SPATA6: variants seen among roughly 807,000 people sequenced by gnomAD.
The protein encoded by SPATA6 is spermatogenesis-associated protein 6.
In SPATA6, 56 loss-of-function variants were observed where a neutral mutation model predicts 65.3. The observed-to-expected ratio is 0.86, with a 90% CI of 0.69 to 1.07. The LOEUF (loss-of-function observed/expected upper bound fraction) is 1.07, where lower values mean the gene tolerates loss of function less well. SPATA6 is among the 50% of genes least tolerant of loss of function. The pLI, the probability that SPATA6 is intolerant of heterozygous loss-of-function variation, is 0.00. For synonymous variants in SPATA6, 199 were observed against 213.2 expected (o/e 0.93, Z 0.58); for missense variants, 590 against 594.8 (o/e 0.99, Z 0.08).
At chr1:48,441,504 T>G (rs1655473375) in intron 3 of SPATA6, among the ~76,000 whole-genome samples, 1 of 152,182 alleles carries the variant, frequency 6.6e-6, no homozygotes, top group Admixed American at 6.5e-5. Flanking sequence ...GGAGCTATTA[T>G]CTACATGAAT....
chr1:48,316,529 A>G (rs1645426471), intron 11 of SPATA6, among the ~76,000 whole-genome samples: 1 of 152,234 alleles, frequency 6.6e-6, no homozygotes, highest in Admixed American at 6.5e-5. Context: ...ACAAAAATTA[A>G]TTCAAGATGG....
rs1301588784 is a variant in SPATA6 at position 48,336,937 on chromosome 1, T to C, written c.1194+18733A>G. Among the ~76,000 whole-genome samples the C allele has an allele frequency of 6.6e-5, 10 of 152,010 alleles. No homozygotes were observed. In the East Asian group the frequency reaches 1.9e-3, roughly 29 times the overall value. On this transcript the variant is annotated intron_variant, in intron 11 of 12. Transcript: ENST00000371847. Reference sequence around the variant, plus strand: ...AATAACTGATATTAAAGAAATTATATCCATTACTGAAAACTATCCCACAAA... The same window carrying C: ...AATAACTGATATTAAAGAAATTATACCCATTACTGAAAACTATCCCACAAA...
chr1:48,408,021 C>T (rs1444440930), intron 5 of SPATA6, among the ~76,000 whole-genome samples: 1 of 152,170 alleles, frequency 6.6e-6, no homozygotes, highest in African/African-American at 2.4e-5. Context: ...TGAAGACTTT[C>T]ATAGTACAGA....
At chr1:48,368,867 C>A (rs569682708) in intron 9 of SPATA6, among the ~76,000 whole-genome samples, 1 of 152,286 alleles carries the variant, frequency 6.6e-6, no homozygotes, top group Non-Finnish European at 1.5e-5. Flanking sequence ...GAAGGAGAGG[C>A]GTGCTGTTTT....
At chr1:48,449,824 G>C (rs954934384) in intron 3 of SPATA6, among the ~76,000 whole-genome samples, 22 of 152,186 alleles carry the variant, frequency 1.4e-4, no homozygotes, top group Non-Finnish European at 1.0e-4. Context: ...TTATCTGTTA[G>C]AGGCCATACC....
chr1:48,352,903 CAAA>C (rs35929341), intron 11 of SPATA6, among the ~76,000 whole-genome samples: 1,671 of 133,334 alleles, frequency 0.013, 13 homozygotes, highest in Admixed American at 0.019. Context: ...CTTTTAAATA[CAAA>C]AAAAAAAAAA....
chr1:48,389,000 C>T (rs1302307541), intron 8 of SPATA6, among the ~76,000 whole-genome samples: 2 of 152,100 alleles, frequency 1.3e-5, no homozygotes, highest in Non-Finnish European at 2.9e-5. Context: ...GCTCTCCTTC[C>T]TCAGCCTCCC....
chr1:48,319,392 A>G (rs1645533590), intron 11 of SPATA6, among the ~76,000 whole-genome samples: 1 of 152,208 alleles, frequency 6.6e-6, no homozygotes, highest in Non-Finnish European at 1.5e-5. Context: ...AGAATATATA[A>G]AGAGCTCTCA....
intron 3 of SPATA6, among the ~76,000 whole-genome samples, chr1:48,435,108 G>A (rs566525206): frequency 2.1e-4 from 32 of 152,064 alleles, no homozygotes; most frequent in African/African-American, 7.5e-4. Context: ...AAATAGAATT[G>A]GAAAGTTCTA....
At chr1:48,366,644 C>G (rs1186226203) in intron 9 of SPATA6, among the ~76,000 whole-genome samples, 1 of 151,864 alleles carries the variant, frequency 6.6e-6, no homozygotes, top group Non-Finnish European at 1.5e-5. Context: ...TGGTGATATC[C>G]CCTTTATCAT....
At chr1:48,369,875 C>T (rs543145876) in intron 9 of SPATA6, among the ~76,000 whole-genome samples, 215 of 152,312 alleles carry the variant, frequency 1.4e-3, no homozygotes, top group South Asian at 4.6e-3. Flanking sequence ...GCGTCGCTCA[C>T]GCTGGGAGCT....
chr1:48,437,800 T>A (rs535131351), intron 3 of SPATA6, among the ~76,000 whole-genome samples: 10 of 151,760 alleles, frequency 6.6e-5, no homozygotes, highest in African/African-American at 2.4e-4. Flanking sequence ...TGCTTTTTTT[T>A]AAAAAAGGGG....
chr1:48,415,116 G>A lies in SPATA6; in HGVS notation c.239-1965C>T, dbSNP rs529023910. The stretch of plus-strand genomic sequence containing the variant: ...AGGTGCCATAGTAAACTATATGTGC[G>A]TTCAGGGAAGCAAAGGAAGACAAAT... On this transcript the variant is annotated intron_variant, in intron 3 of 12. Coordinates refer to ENST00000371847, the MANE Select transcript of SPATA6 (RefSeq NM_019073.4). 6.8e-4 allele frequency among the ~76,000 whole-genome samples: 104 copies of A among 152,274 alleles called. 1 individual carries two copies. The highest frequency in any genetic ancestry group is 8.5e-4 in the Non-Finnish European group (58 of 68,022).
At chr1:48,433,028 T>TA (rs1570559383) in intron 3 of SPATA6, among the ~76,000 whole-genome samples, 3 of 152,124 alleles carry the variant, frequency 2.0e-5, no homozygotes, top group African/African-American at 7.2e-5. Flanking sequence ...GCCAGTTTTT[T>TA]AAAAAACACA....
chr1:48,269,202 T>C, the SPATA6 span, among the ~76,000 whole-genome samples: 1 of 152,308 alleles, frequency 6.6e-6, no homozygotes. Flanking sequence ...TTTTTTTCTC[T>C]GATCAAATCC....
rs1570127789 is a variant in SPATA6, at chr1:48,325,323, C to A, written c.1195-19445G>T. The A allele has an allele frequency of 8.8e-6, 11 of 1,255,244 alleles. No homozygotes were observed. In the East Asian group the frequency reaches 1.9e-4, roughly 21 times the overall value. The allele number at this position is 1,255,244 out of a possible 1,614,324, so 77.8% of individuals were successfully genotyped here. On this transcript the variant is annotated intron_variant, in intron 11 of 12. Transcript: ENST00000371847. ...GGAGCCTGCTTCACTGTGTGTAGGGCACAGGCCCCCGTAGAGTCCTCCCCT... is the reference window on the plus strand; with the variant it reads ...GGAGCCTGCTTCACTGTGTGTAGGGAACAGGCCCCCGTAGAGTCCTCCCCT...
At chr1:48,368,462 A>C (rs1315744045) in intron 9 of SPATA6, among the ~76,000 whole-genome samples, 1 of 152,202 alleles carries the variant, frequency 6.6e-6, no homozygotes, top group African/African-American at 2.4e-5. Context: ...CTTTTCACAT[A>C]GTCCCACATT....
intron 6 of SPATA6, among the ~76,000 whole-genome samples, chr1:48,400,328 T>G (rs1197303788): frequency 6.6e-6 from 1 of 151,966 alleles, no homozygotes; most frequent in Non-Finnish European, 1.5e-5. Flanking sequence ...TAACATTTTA[T>G]CTAATAAAAC....
At chr1:48,348,933 C>T (rs72893222) in intron 11 of SPATA6, among the ~76,000 whole-genome samples, 5 of 151,912 alleles carry the variant, frequency 3.3e-5, no homozygotes, top group African/African-American at 9.6e-5. Context: ...TTATTTACTT[C>T]TTGGTTCAAC....
Sources: gnomAD v4.1 joint callset for allele counts (sites outside exome capture counted in the v4.1 genomes callset) on GRCh38, gnomAD v4.1.1 for gene constraint, MANE v1.5 for transcripts, NCBI Gene and HGNC (gene_info 2026-07-23, HGNC 2026-07-21) for gene names.